SLAIN1: variants seen among roughly 807,000 people sequenced by gnomAD.
SLAIN1 encodes SLAIN family member 1, also known as SLAIN motif-containing protein 1.
Under a neutral mutation model 55.4 loss-of-function variants are expected in SLAIN1, and 17 were observed. The ratio of observed to expected loss-of-function variants is 0.31; its 90% confidence interval spans 0.21 to 0.46. SLAIN1 has a LOEUF of 0.46. SLAIN1 is among the 20% of genes least tolerant of loss of function. SLAIN1 has a pLI of 1.00. For synonymous variants in SLAIN1, 348 were observed against 337.4 expected (o/e 1.03, Z -0.35); for missense variants, 682 against 785.1 (o/e 0.87, Z 1.57).
chr13:77,748,838 G>A (rs1026221513), intron 4 of SLAIN1, among the ~76,000 whole-genome samples: 3 of 152,062 alleles, frequency 2.0e-5, no homozygotes, highest in Non-Finnish European at 4.4e-5. Flanking sequence ...ACTAAAATGT[G>A]GACAAGATGA....
chr13:77,735,584 C>A (rs1048355947), intron 2 of SLAIN1, among the ~76,000 whole-genome samples: 1 of 151,876 alleles, frequency 6.6e-6, no homozygotes, highest in East Asian at 1.9e-4. Flanking sequence ...TTGAAAAAAA[C>A]AAGAATATTT....
At chr13:77,756,381 G>A (rs547457311) in intron 5 of SLAIN1, among the ~76,000 whole-genome samples, 3 of 152,108 alleles carry the variant, frequency 2.0e-5, no homozygotes, top group African/African-American at 4.8e-5. Context: ...TTTAATATCA[G>A]TGAAGTTTTG....
In SLAIN1 at chr13:77,714,900, A is replaced by G. The variant is rs139633157; in HGVS notation, c.627-4632A>G. 2.6e-5 allele frequency among the ~76,000 whole-genome samples: 4 copies of G among 151,962 alleles called. No individual in the cohort carries two copies. The East Asian group carries it at 7.8e-4, about 30-fold the overall frequency. ...CCTGATCTGTTTTCTGTCAGTTTAGATTAGTCACCCAGACTGGAGTTCAGT... is the reference window on the plus strand; with the variant it reads ...CCTGATCTGTTTTCTGTCAGTTTAGGTTAGTCACCCAGACTGGAGTTCAGT... On this transcript the variant is annotated intron_variant, in intron 1 of 6. Transcript: ENST00000418532.
In SLAIN1 at chr13:77,732,205, C is replaced by T. The variant is rs73547714; in HGVS notation, c.767-12078C>T. The stretch of plus-strand genomic sequence containing the variant: ...GGAAGGATTATACAAATTCTCTTCT[C>T]ATCACTCTTCCATTCAATAACTGAC... On this transcript the variant is annotated intron_variant, in intron 2 of 6. Coordinates refer to ENST00000418532, the MANE Select transcript of SLAIN1 (RefSeq NM_001242868.2). Among the ~76,000 whole-genome samples, 1,044 of 152,270 alleles carry T rather than the reference C, an allele frequency of 6.9e-3. 12 individuals carry two copies. Among genetic ancestry groups the T allele is most frequent in the African/African-American group, 0.024 (1,003 of 41,556 alleles).
chr13:77,740,528 GCCC>G (rs5804928), intron 2 of SLAIN1, among the ~76,000 whole-genome samples: 7 of 142,880 alleles, frequency 4.9e-5, no homozygotes, highest in African/African-American at 1.3e-4. Flanking sequence ...TTTGCGAACC[GCCC>G]CCCCCCCCTT....
At chr13:77,760,720 G>A in intron 5 of SLAIN1, 108 bp from the exon 6 acceptor site, 1 of 1,163,896 alleles carries the variant, frequency 8.6e-7, no homozygotes, top group Non-Finnish European at 1.2e-6. Context: ...TTCTCCTCCT[G>A]TGTATATTGT....
chr13:77,698,900 G>C lies in SLAIN1; in HGVS notation c.626+361G>C. On this transcript the variant is annotated intron_variant, in intron 1 of 6. Coordinates refer to ENST00000418532, the MANE Select transcript of SLAIN1 (RefSeq NM_001242868.2). The surrounding 1 kb of genome is among the most constrained non-coding windows in gnomAD (Gnocchi z 4.1). ...TTGCTCAGTGCTGCTCTTTTCCCCA[G>C]TGTTTTCGGAGGGATGACGGGGGAT... 3 of 1,532,664 alleles carry C rather than the reference G, an allele frequency of 2.0e-6. No individual in the cohort carries two copies. In the South Asian group the frequency reaches 3.6e-5, roughly 18 times the overall value. 94.9% of individuals were successfully genotyped at this position (1,532,664 alleles called of 1,614,324 possible).
At chr13:77,743,329 T>C (rs867819630) in intron 2 of SLAIN1, 3 of 371,978 alleles carry the variant, frequency 8.1e-6, no homozygotes, top group South Asian at 7.7e-5. Context: ...TAATTTGTAC[T>C]CTAACACCAT....
intron 2 of SLAIN1, chr13:77,742,831 C>T (rs1288780646): frequency 5.7e-6 from 1 of 174,460 alleles, no homozygotes; most frequent in African/African-American, 2.4e-5. Flanking sequence ...TAAATAGGAC[C>T]CTAATTCACA....
rs1171007748 is a variant in SLAIN1 at position 77,753,308 on chromosome 13, A to T, written c.1364A>T (p.Asp455Val). Residue 455 changes from aspartate (D) to valine (V), a missense_variant, in exon 5 of 7, where the codon GAC becomes GTC. Physicochemically the swap from Asp to Val is radical, Grantham distance 152. Around this residue, in one of 3 missense-constraint regions of SLAIN1, gnomAD observed 244 missense variants for 295.2 expected, o/e 0.83. Coordinates refer to ENST00000418532, the MANE Select transcript of SLAIN1 (RefSeq NM_001242868.2). The part of the protein sequence containing the change: ...PVTVRNSQSF[D>V]SSLHGAGNGI... ...ACCGTGCGAAATAGTCAGAGTTTTG[A>T]CTCAAGCTTGCATGGAGCTGGAAAT... The T allele has an allele frequency of 6.2e-7, 1 of 1,612,238 alleles. No homozygotes were observed. The highest frequency in any genetic ancestry group is 8.5e-7 in the Non-Finnish European group (1 of 1,179,328).
chr13:77,698,231 C>A lies in SLAIN1; in HGVS notation c.318C>A (p.Gly106=). The change falls in exon 1 of 7, where the codon GGC becomes GGA. Residue 106 remains glycine, a synonymous_variant. Coordinates refer to ENST00000418532, the MANE Select transcript of SLAIN1 (RefSeq NM_001242868.2). The surrounding 1 kb of genome is among the most constrained non-coding windows in gnomAD (Gnocchi z 4.1). ...LGLGLALGAG[G]GGGSGSGSGG... ...TCGGGCTGGCGCTGGGCGCGGGGGG[C>A]GGTGGCGGCAGCGGTAGTGGCAGCG... 7.5e-7 allele frequency: 1 copy of A among 1,337,404 alleles called. No homozygotes were observed. Among genetic ancestry groups the A allele is most frequent in the Non-Finnish European group, 9.6e-7 (1 of 1,040,696 alleles). 82.8% of individuals were successfully genotyped at this position (1,337,404 alleles called of 1,614,324 possible). A position where few individuals can be genotyped will look rare whatever the true frequency, so the allele number is the denominator to read the frequency against.
rs867992630 is a variant in SLAIN1 at position 77,698,444 on chromosome 13, A to T, written c.531A>T (p.Ala177=). 4.9e-6 allele frequency: 7 copies of T among 1,432,164 alleles called. No homozygotes were observed. The highest frequency in any genetic ancestry group is 2.4e-4 in the Middle Eastern group (1 of 4,152). The allele number at this position is 1,432,164 out of a possible 1,614,324, so 88.7% of individuals were successfully genotyped here. The change falls in exon 1 of 7, where the codon GCA becomes GCT. Residue 177 remains alanine, a synonymous_variant. Transcript: ENST00000418532. The surrounding 1 kb of genome is among the most constrained non-coding windows in gnomAD (Gnocchi z 4.1). ...CGGGGACGCCGCCAGGGGCAGCTGC[A>T]GCGCCGCCCTCGCCGCCCCCCACGC... is the stretch of plus-strand genomic sequence containing the variant. The part of the protein sequence containing the change: ...GGAGTPPGAA[A]APPSPPPTLL...
intron 1 of SLAIN1, among the ~76,000 whole-genome samples, 180 bp from the exon 2 acceptor site, chr13:77,719,352 C>T (rs2091239519): frequency 1.3e-5 from 2 of 151,600 alleles, no homozygotes; most frequent in African/African-American, 4.8e-5. Context: ...CACCAGGCTA[C>T]AGGAAGTGTC....
chr13:77,722,090 G>GT (rs1167618921), intron 2 of SLAIN1, among the ~76,000 whole-genome samples: 4 of 151,512 alleles, frequency 2.6e-5, no homozygotes, highest in African/African-American at 9.7e-5. Context: ...TTTCATTGAT[G>GT]TGGAGCTCAG....
intron 2 of SLAIN1, among the ~76,000 whole-genome samples, chr13:77,735,608 TATTAA>T (rs1295110889): frequency 9.2e-5 from 14 of 152,302 alleles, no homozygotes; most frequent in Admixed American, 7.9e-4. Context: ...AACCCATGAA[TATTAA>T]ATTCAATTCT....
chr13:77,726,678 C>T (rs1332955537), intron 2 of SLAIN1, among the ~76,000 whole-genome samples: 1 of 152,160 alleles, frequency 6.6e-6, no homozygotes, highest in African/African-American at 2.4e-5. Context: ...CCTGGCCTCC[C>T]TGTGCTGGGA....
At chr13:77,727,522 A>C (rs142709682) in intron 2 of SLAIN1, among the ~76,000 whole-genome samples, 1 of 151,732 alleles carries the variant, frequency 6.6e-6, no homozygotes, top group Non-Finnish European at 1.5e-5. Flanking sequence ...AAAAACAAAA[A>C]CCCTCAAAAA....
At chr13:77,733,809 T>C (rs1426494467) in intron 2 of SLAIN1, among the ~76,000 whole-genome samples, 1 of 152,148 alleles carries the variant, frequency 6.6e-6, no homozygotes, top group Non-Finnish European at 1.5e-5. Flanking sequence ...TATCAGGTCG[T>C]CAAGCACTGT....
chr13:77,740,744 T>C (rs1213666005), intron 2 of SLAIN1, among the ~76,000 whole-genome samples: 1 of 152,038 alleles, frequency 6.6e-6, no homozygotes, highest in Non-Finnish European at 1.5e-5. Flanking sequence ...AAAGATAAAA[T>C]TGCTCTTTTT....
Sources: gnomAD v4.1 joint callset for allele counts (sites outside exome capture counted in the v4.1 genomes callset) on GRCh38, gnomAD v4.1.1 for gene constraint, gnomAD v4.1.1 regional missense constraint, Gnocchi (gnomAD v3.1) non-coding constraint, MANE v1.5 for transcripts, NCBI Gene and HGNC (gene_info 2026-07-23, HGNC 2026-07-21) for gene names.